Variants in GIGYF2 observed in about 807,000 individuals in gnomAD.
GIGYF2 encodes GRB10-interacting GYF protein 2.
Under a neutral mutation model 208.1 loss-of-function variants are expected in GIGYF2, and 25 were observed. The observed-to-expected ratio is 0.12, with a 90% CI of 0.09 to 0.17. The LOEUF (loss-of-function observed/expected upper bound fraction) is 0.17. Among genes scored for constraint, GIGYF2 ranks in the 10% least tolerant of loss-of-function variants. The pLI is 1.00. For synonymous variants in GIGYF2, 534 were observed against 543.8 expected (o/e 0.98, Z 0.25); for missense variants, 1,302 against 1,579.4 (o/e 0.82, Z 2.98).
At chr2:232,789,708 A>G (rs763087240) in intron 9 of GIGYF2, among the ~76,000 whole-genome samples, 5 of 152,028 alleles carry the variant, frequency 3.3e-5, no homozygotes, top group Admixed American at 6.6e-5. Context: ...CTCTGGCCAC[A>G]TTTCTTTTTC....
intron 18 of GIGYF2, 67 bp from the exon 19 acceptor site, chr2:232,815,570 T>C: frequency 2.2e-6 from 2 of 889,756 alleles, no homozygotes; most frequent in South Asian, 2.7e-5. Flanking sequence ...TTTTCATGAT[T>C]CCTACGGATA....
At chr2:232,725,091 T>G (rs1181214396) in intron 2 of GIGYF2, among the ~76,000 whole-genome samples, 2 of 152,224 alleles carry the variant, frequency 1.3e-5, no homozygotes, top group African/African-American at 4.8e-5. Flanking sequence ...GTTGGTAACC[T>G]TTCATGTCGG....
At chr2:232,852,800 A>G (rs1372201251) in intron 28 of GIGYF2, among the ~76,000 whole-genome samples, 1 of 152,124 alleles carries the variant, frequency 6.6e-6, no homozygotes, top group Non-Finnish European at 1.5e-5. Flanking sequence ...AAGCTTTGGG[A>G]CTTGAGGATA....
intron 5 of GIGYF2, among the ~76,000 whole-genome samples, chr2:232,749,619 A>G (rs956216126): frequency 1.3e-5 from 2 of 152,138 alleles, no homozygotes; most frequent in African/African-American, 4.8e-5. Context: ...TTCTGTGCAA[A>G]GAAAATAAAA....
intron 2 of GIGYF2, among the ~76,000 whole-genome samples, chr2:232,727,647 GATCTCT>G (rs1342228955): frequency 6.6e-6 from 1 of 152,194 alleles, no homozygotes; most frequent in Non-Finnish European, 1.5e-5. Flanking sequence ...TTGGGCTAGA[GATCTCT>G]ACCTCTGTGG....
intron 8 of GIGYF2, among the ~76,000 whole-genome samples, chr2:232,773,655 A>G (rs1288911636): frequency 6.6e-6 from 1 of 152,240 alleles, no homozygotes. Flanking sequence ...ATGATTCTTT[A>G]GATAGTAATG....
Position 232,816,902 on chromosome 2 carries a change from G to T in GIGYF2, c.2240G>T (p.Arg747Met). 6.2e-7 allele frequency: 1 copy of T among 1,613,172 alleles called. No individual in the cohort carries two copies. The change falls in exon 20 of 29, where the codon AGG (arginine) becomes ATG (methionine). Residue 747 changes from arginine (R) to methionine (M), a missense_variant. By Grantham distance (91) the Arg-to-Met change is moderately conservative. Coordinates refer to ENST00000373563, the MANE Select transcript of GIGYF2 (RefSeq NM_001103146.3). Reference protein sequence around the residue: ...LEQERREAEMRAKREEEERKR... With the variant: ...LEQERREAEMMAKREEEERKR... Reference sequence around the variant, plus strand: ...CAAGAGAGAAGAGAGGCAGAAATGAGGGCAAAACGGGAAGAGGAAGAGCGA... The same window carrying T: ...CAAGAGAGAAGAGAGGCAGAAATGATGGCAAAACGGGAAGAGGAAGAGCGA...
At chr2:232,735,702 A>G (rs756564800) in intron 3 of GIGYF2, 4 of 989,520 alleles carry the variant, frequency 4.0e-6, no homozygotes, top group Non-Finnish European at 4.8e-6. Context: ...ACAGTAGCCT[A>G]TCTAGGATTC....
intron 2 of GIGYF2, among the ~76,000 whole-genome samples, chr2:232,723,631 A>G (rs1020757380): frequency 1.3e-5 from 2 of 149,644 alleles, no homozygotes; most frequent in African/African-American, 4.9e-5. Flanking sequence ...GGGTTTCAAC[A>G]TATTGGCCAG....
chr2:232,832,071 T>C (rs1417348247), intron 21 of GIGYF2, among the ~76,000 whole-genome samples: 1 of 152,136 alleles, frequency 6.6e-6, no homozygotes, highest in African/African-American at 2.4e-5. Flanking sequence ...AGCAAATAGA[T>C]AAGGACAGGG....
chr2:232,769,960 C>T (rs1324417507), intron 8 of GIGYF2, among the ~76,000 whole-genome samples: 1 of 152,190 alleles, frequency 6.6e-6, no homozygotes, highest in Non-Finnish European at 1.5e-5. Context: ...ATCAAAGCTA[C>T]TAATACTGCT....
At chr2:232,825,739 G>C (rs181909268) in intron 21 of GIGYF2, among the ~76,000 whole-genome samples, 2 of 151,890 alleles carry the variant, frequency 1.3e-5, no homozygotes, top group Non-Finnish European at 2.9e-5. Flanking sequence ...AAGTTCTAGG[G>C]TACATGTGCA....
chr2:232,821,204 A>T (rs1701070961), intron 21 of GIGYF2, among the ~76,000 whole-genome samples: 1 of 148,642 alleles, frequency 6.7e-6, no homozygotes, highest in South Asian at 2.1e-4. Context: ...TTATTTACTT[A>T]CTTACTTTCT....
At chr2:232,787,357 C>T in intron 9 of GIGYF2, 28 bp downstream of exon 9, 1 of 1,590,246 alleles carries the variant, frequency 6.3e-7, no homozygotes. Context: ...TAAAGGCACA[C>T]AGGGACTGAA....
At chr2:232,715,123 T>C (rs1574782929) in intron 2 of GIGYF2, among the ~76,000 whole-genome samples, 1 of 152,236 alleles carries the variant, frequency 6.6e-6, no homozygotes. Flanking sequence ...CTTTTTCTTT[T>C]TTATGGCTGC....
chr2:232,699,255 G>C (rs1039719875), intron 1 of GIGYF2, among the ~76,000 whole-genome samples: 1 of 152,196 alleles, frequency 6.6e-6, no homozygotes, highest in African/African-American at 2.4e-5. Context: ...GCAAAGACCC[G>C]GAGACAAAAG....
At chr2:232,768,576 T>G (rs2106335069) in intron 8 of GIGYF2, 1 of 1,614,160 alleles carries the variant, frequency 6.2e-7, no homozygotes, top group East Asian at 2.2e-5. Flanking sequence ...GAATGGACAT[T>G]CGTCAGAACT....
At chr2:232,698,722 A>C (rs1376819097) in intron 1 of GIGYF2, among the ~76,000 whole-genome samples, 1 of 152,222 alleles carries the variant, frequency 6.6e-6, no homozygotes, top group African/African-American at 2.4e-5. Context: ...AAGTATTTAA[A>C]AGTGGCACGT....
At chr2:232,836,599 A>G (rs1329642817) in intron 22 of GIGYF2, among the ~76,000 whole-genome samples, 2 of 147,872 alleles carry the variant, frequency 1.4e-5, no homozygotes, top group Admixed American at 6.8e-5. Context: ...CCCTTGGGGC[A>G]TACACTGACA....
Sources: gnomAD v4.1 joint callset for allele counts (sites outside exome capture counted in the v4.1 genomes callset) on GRCh38, gnomAD v4.1.1 for gene constraint, MANE v1.5 for transcripts, NCBI Gene and HGNC (gene_info 2026-07-23, HGNC 2026-07-21) for gene names.